The following MUC5AC variants were observed in gnomAD, a reference collection of about 807,000 sequenced individuals.
MUC5AC encodes the protein mucin-5AC.
A neutral mutation model predicts 169.7 loss-of-function variants in MUC5AC; 158 were observed. The ratio of observed to expected loss-of-function variants is 0.93; its 90% confidence interval spans 0.82 to 1.06. MUC5AC has a LOEUF of 1.06. MUC5AC is among the 50% of genes least tolerant of loss of function. The probability of loss-of-function intolerance (pLI) is 0.00; values close to 1 mark genes in which losing one functional copy is unlikely to be tolerated. For synonymous variants in MUC5AC, 1,975 were observed against 1,237.0 expected (o/e 1.60, Z -12.52); for missense variants, 4,359 against 3,089.9 (o/e 1.41, Z -9.74).
Position 1,165,316 on chromosome 11 carries a change from G to A in MUC5AC, c.1144G>A (p.Asp382Asn), listed in dbSNP as rs750536061. 30 of 1,611,926 alleles carry A rather than the reference G, an allele frequency of 1.9e-5. No individual in the cohort carries two copies. The highest frequency in any genetic ancestry group is 2.4e-5 in the Non-Finnish European group (28 of 1,179,610). ...GACCCCTGCAGGGACGGTGCTTGAC[G>A]ACATCGGCCAGACCGGCTGTGTCCC... Reference protein sequence around the residue: ...CFCPEGTVLDDIGQTGCVPVS... With the variant: ...CFCPEGTVLDNIGQTGCVPVS... Residue 382 changes from aspartate to asparagine, a missense_variant, in exon 10 of 49, where the codon GAC becomes AAC. Physicochemically the swap from Asp to Asn is conservative, Grantham distance 23. Transcript: ENST00000621226.
In MUC5AC at chr11:1,182,555, G is replaced by A. The variant is rs1192318104; in HGVS notation, c.4410G>A (p.Gln1470=). The A allele has an allele frequency of 7.5e-6, 3 of 398,584 alleles. No individual in the cohort carries two copies. Among genetic ancestry groups the A allele is most frequent in the Non-Finnish European group, 1.3e-5 (3 of 226,146 alleles). The allele number at this position is 398,584 out of a possible 1,614,324, so 24.7% of individuals were successfully genotyped here. A position where few individuals can be genotyped will look rare whatever the true frequency, so the allele number is the denominator to read the frequency against. ...EQASGLCYNY[Q]IRVQCCTPLP... is the part of the protein sequence containing the mutation. ...CATCGGGGCTCTGCTACAACTACCAGATCAGGGTCCAGTGCTGCACGCCCC... is the reference window on the plus strand; with the variant it reads ...CATCGGGGCTCTGCTACAACTACCAAATCAGGGTCCAGTGCTGCACGCCCC... The change falls in exon 31 of 49, where the codon CAG becomes CAA. Residue 1470 remains glutamine, a synonymous_variant. Transcript: ENST00000621226.
intron 1 of MUC5AC, among the ~76,000 whole-genome samples, chr11:1,160,309 T>C (rs1238307211): frequency 6.6e-6 from 1 of 151,892 alleles, no homozygotes; most frequent in Non-Finnish European, 1.5e-5. Context: ...CCTGGCACGC[T>C]TGGCAGTGAG....
In MUC5AC at chr11:1,193,582, A is replaced by G. The variant is rs1419633215; in HGVS notation, c.14678A>G (p.Lys4893Arg). 1 of 764,868 alleles carries G rather than the reference A, an allele frequency of 1.3e-6. No homozygotes were observed. The allele number at this position is 764,868 out of a possible 1,614,324, so 47.4% of individuals were successfully genotyped here. A position where few individuals can be genotyped will look rare whatever the true frequency, so the allele number is the denominator to read the frequency against. Residue 4893 changes from lysine to arginine, a missense_variant, in exon 33 of 49, where the codon AAG (lysine) becomes AGG (arginine). Coordinates refer to ENST00000621226, the MANE Select transcript of MUC5AC (RefSeq NM_001304359.2). Reference sequence around the variant, plus strand: ...CCGCGCACGTGCCCGAGGGTGGAGAAGCCCACTTGTGCCAACGGCTACCCG... The same window carrying G: ...CCGCGCACGTGCCCGAGGGTGGAGAGGCCCACTTGTGCCAACGGCTACCCG... ...LRPRTCPRVE[K>R]PTCANGYPAV...
chr11:1,187,522 C>T lies in MUC5AC; in HGVS notation c.9377C>T (p.Pro3126Leu). The change falls in exon 31 of 49, where the codon CCT becomes CTT. Residue 3126 changes from proline to leucine, a missense_variant. Pro to Leu is a moderately conservative substitution (Grantham distance 98). Transcript: ENST00000621226. ...TCTGGTCTTGGAACTACTCCCAGCC[C>T]TATTCCTACCACCAGCACAACCTCT... Reference protein sequence around the residue: ...KTSGLGTTPSPIPTTSTTSPP... With the variant: ...KTSGLGTTPSLIPTTSTTSPP... 2 of 746,722 alleles carry T rather than the reference C, an allele frequency of 2.7e-6. No homozygotes were observed. The highest frequency in any genetic ancestry group is 1.4e-5 in the South Asian group (1 of 72,026). The allele number at this position is 746,722 out of a possible 1,614,324, so 46.3% of individuals were successfully genotyped here.
Position 1,189,438 on chromosome 11 carries a change from A to G in MUC5AC, c.11293A>G (p.Thr3765Ala). 1 of 567,816 alleles carries G rather than the reference A, an allele frequency of 1.8e-6. No homozygotes were observed. The highest frequency in any genetic ancestry group is 2.5e-5 in the South Asian group (1 of 39,798). 35.2% of individuals were successfully genotyped at this position (567,816 alleles called of 1,614,324 possible). A position where few individuals can be genotyped will look rare whatever the true frequency, so the allele number is the denominator to read the frequency against. Residue 3765 changes from threonine (T) to alanine (A), a missense_variant, in exon 31 of 49, where the codon ACG (threonine) becomes GCG (alanine). Coordinates refer to ENST00000621226, the MANE Select transcript of MUC5AC (RefSeq NM_001304359.2). ...APTASTTSAPTSTSSAPTTNT... is the reference protein window; with the variant it reads ...APTASTTSAPASTSSAPTTNT... Reference sequence around the variant, plus strand: ...CACAGCCAGCACAACGTCAGCTCCTACGAGCACTTCCTCGGCTCCTACAAC... The same window carrying G: ...CACAGCCAGCACAACGTCAGCTCCTGCGAGCACTTCCTCGGCTCCTACAAC...
Position 1,190,244 on chromosome 11 carries a change from C to G in MUC5AC, c.12099C>G (p.Asp4033Glu). 2 of 733,936 alleles carry G rather than the reference C, an allele frequency of 2.7e-6. No individual in the cohort carries two copies. The highest frequency in any genetic ancestry group is 5.0e-6 in the Non-Finnish European group (2 of 402,310). The allele number at this position is 733,936 out of a possible 1,614,324, so 45.5% of individuals were successfully genotyped here. The change falls in exon 31 of 49, where the codon GAC (aspartate) becomes GAG (glutamate). Residue 4033 changes from aspartate to glutamate, a missense_variant. Coordinates refer to ENST00000621226, the MANE Select transcript of MUC5AC (RefSeq NM_001304359.2). ...REEGLVCRNQ[D>E]QQGPFKMCLN... ...AGGGCCTGGTGTGCCGGAACCAGGA[C>G]CAGCAGGGACCCTTCAAGATGTGCC...
At chr11:1,180,251 G>T in intron 27 of MUC5AC, 101 bp downstream of exon 27, 1 of 398,596 alleles carries the variant, frequency 2.5e-6, no homozygotes, top group Non-Finnish European at 4.4e-6. Flanking sequence ...AGCACATTCT[G>T]GTGCTGTCGG....
At chr11:1,193,262 G>A (rs887521726) in intron 32 of MUC5AC, among the ~76,000 whole-genome samples, 3 of 152,218 alleles carry the variant, frequency 2.0e-5, no homozygotes, top group Admixed American at 6.5e-5. Context: ...GCACAGCCAG[G>A]GAGTGTGGCA....
chr11:1,182,672 C>T lies in MUC5AC; in HGVS notation c.4527C>T (p.Pro1509=). ...TETRASGSSA[P]SSTPGTVSLS... is the part of the protein sequence containing the mutation. Reference sequence around the variant, plus strand: ...CCCGGGCCTCAGGCTCCTCAGCTCCCAGCAGCACACCTGGCACCGTGTCTC... The same window carrying T: ...CCCGGGCCTCAGGCTCCTCAGCTCCTAGCAGCACACCTGGCACCGTGTCTC... Residue 1509 remains proline, a synonymous_variant, in exon 31 of 49, where the codon CCC becomes CCT. Transcript: ENST00000621226. 5.0e-6 allele frequency: 2 copies of T among 399,086 alleles called. No individual in the cohort carries two copies. The highest frequency in any genetic ancestry group is 6.3e-4 in the Middle Eastern group (1 of 1,588). The allele number at this position is 399,086 out of a possible 1,614,324, so 24.7% of individuals were successfully genotyped here.
chr11:1,197,251 C>A (rs1026464326), intron 40 of MUC5AC, among the ~76,000 whole-genome samples: 20 of 152,264 alleles, frequency 1.3e-4, no homozygotes, highest in African/African-American at 4.3e-4. Flanking sequence ...AGGTGGGGGG[C>A]GCAGGCCAGT....
Position 1,181,158 on chromosome 11 carries a change from G to T in MUC5AC, c.3796G>T (p.Val1266Leu). The T allele has an allele frequency of 2.5e-6, 1 of 398,560 alleles. No individual in the cohort carries two copies. 24.7% of individuals were successfully genotyped at this position (398,560 alleles called of 1,614,324 possible). A position where few individuals can be genotyped will look rare whatever the true frequency, so the allele number is the denominator to read the frequency against. ...CTCCAGCCTTTGTACGGAGCGCGGC[G>T]TGGAGTGCACCTACAAAGCTGAGGG... is the stretch of plus-strand genomic sequence containing the variant. ...CQSCLCTERG[V>L]ECTYKAEACV... The change falls in exon 29 of 49, where the codon GTG becomes TTG. Residue 1266 changes from valine (V) to leucine (L), a missense_variant. By Grantham distance (32) the Val-to-Leu change is conservative. Coordinates refer to ENST00000621226, the MANE Select transcript of MUC5AC (RefSeq NM_001304359.2).
intron 15 of MUC5AC, among the ~76,000 whole-genome samples, chr11:1,171,011 T>C (rs1187058973): frequency 1.5e-3 from 80 of 52,930 alleles, no homozygotes; most frequent in East Asian, 4.2e-3. Context: ...CACTCACCCA[T>C]TCACCCATTC....
At position 1,186,106 on chromosome 11, in the gene MUC5AC, C is replaced by G; in HGVS notation, c.7961C>G (p.Ser2654Cys). 1 of 749,422 alleles carries G rather than the reference C, an allele frequency of 1.3e-6. No homozygotes were observed. 46.4% of individuals were successfully genotyped at this position (749,422 alleles called of 1,614,324 possible). A position where few individuals can be genotyped will look rare whatever the true frequency, so the allele number is the denominator to read the frequency against. The change falls in exon 31 of 49, where the codon TCT becomes TGT. Residue 2654 changes from serine to cysteine, a missense_variant. Physicochemically the swap from Ser to Cys is moderately radical, Grantham distance 112. Transcript: ENST00000621226. ...TTSASTTSTTSGPGTTPSPVP... is the reference protein window; with the variant it reads ...TTSASTTSTTCGPGTTPSPVP... ...TCTGCTTCTACAACTAGCACAACCT[C>G]TGGTCCTGGAACTACTCCCAGCCCT...
Position 1,188,126 on chromosome 11 carries a change from C to T in MUC5AC, c.9981C>T (p.Pro3327=), listed in dbSNP as rs1554928500. ...GCTGCGAGACCCCTAAAGGTTGCCC[C>T]GTGACCTCCACACCTGTGACAGCTC... is the stretch of plus-strand genomic sequence containing the variant. ...VLCCETPKGC[P]VTSTPVTAPS... is the part of the protein sequence containing the mutation. Residue 3327 remains proline, a synonymous_variant, in exon 31 of 49, where the codon CCC becomes CCT. Transcript: ENST00000621226. 15 of 729,284 alleles carry T rather than the reference C, an allele frequency of 2.1e-5. No individual in the cohort carries two copies. Among genetic ancestry groups the T allele is most frequent in the East Asian group, 9.8e-5 (4 of 41,020 alleles). 45.2% of individuals were successfully genotyped at this position (729,284 alleles called of 1,614,324 possible). A position where few individuals can be genotyped will look rare whatever the true frequency, so the allele number is the denominator to read the frequency against.
In MUC5AC at chr11:1,168,854, G is replaced by T; in HGVS notation, c.1706-8G>T. The T allele has an allele frequency of 6.3e-7, 1 of 1,585,228 alleles. No homozygotes were observed. ...GCATGGTCCTCAACCTGCCTAACCCGCCCCCAGGTCTCTGTGGGAACTTCA... is the reference window on the plus strand; with the variant it reads ...GCATGGTCCTCAACCTGCCTAACCCTCCCCCAGGTCTCTGTGGGAACTTCA... On this transcript the variant is annotated splice_polypyrimidine_tract_variant and splice_region_variant and intron_variant, in intron 14 of 48. Transcript: ENST00000621226.
rs750804295 is a variant in MUC5AC, at chr11:1,161,519, C to T, written c.152-8C>T. On this transcript the variant is annotated splice_region_variant and splice_polypyrimidine_tract_variant and intron_variant, in intron 2 of 48. Transcript: ENST00000621226. ...GTGCGTGAATCCTACCAGCCCCTGTCTCCGCAGGGGTCCCGCTCCGTGGGG... is the reference window on the plus strand; with the variant it reads ...GTGCGTGAATCCTACCAGCCCCTGTTTCCGCAGGGGTCCCGCTCCGTGGGG... 1.0e-5 allele frequency: 16 copies of T among 1,591,432 alleles called. No homozygotes were observed. In the South Asian group the frequency reaches 1.7e-4, roughly 17 times the overall value.
chr11:1,179,817 C>T (rs1228821426), intron 26 of MUC5AC, among the ~76,000 whole-genome samples: 5 of 152,156 alleles, frequency 3.3e-5, no homozygotes, highest in African/African-American at 1.2e-4. Flanking sequence ...GCTGGATCTG[C>T]TCTGACTGGA....
At position 1,174,615 on chromosome 11, in the gene MUC5AC, C is replaced by T. The variant is rs890988141; in HGVS notation, c.2085C>T (p.Gly695=). ...KGVQLGGWRD[G]VCTKPMTTCP... is the part of the protein sequence containing the mutation. ...TGCAGCTCGGCGGCTGGAGGGACGG[C>T]GTCTGCAGTGAGTGCCTGCCAAGCC... The change falls in exon 17 of 49, where the codon GGC becomes GGT. Residue 695 remains glycine, a synonymous_variant. Coordinates refer to ENST00000621226, the MANE Select transcript of MUC5AC (RefSeq NM_001304359.2). 21 of 1,243,408 alleles carry T rather than the reference C, an allele frequency of 1.7e-5. No individual in the cohort carries two copies. The African/African-American group carries it at 1.9e-4, about 11-fold the overall frequency. The allele number at this position is 1,243,408 out of a possible 1,614,324, so 77.0% of individuals were successfully genotyped here. A position where few individuals can be genotyped will look rare whatever the true frequency, so the allele number is the denominator to read the frequency against.
chr11:1,180,359 T>A lies in MUC5AC; in HGVS notation c.3619T>A (p.Tyr1207Asn), dbSNP rs1191599356. ...LRDVRGLEGC[Y>N]PKCPPEAPIF... The stretch of plus-strand genomic sequence containing the variant: ...CTGGCCTCTTTGGCCCACAGGCTGC[T>A]ACCCCAAGTGCCCACCAGAGGCTCC... The change falls in exon 28 of 49, where the codon TAC becomes AAC. Residue 1207 changes from tyrosine to asparagine, a missense_variant. Coordinates refer to ENST00000621226, the MANE Select transcript of MUC5AC (RefSeq NM_001304359.2). 2 of 398,640 alleles carry A rather than the reference T, an allele frequency of 5.0e-6. No homozygotes were observed. The highest frequency in any genetic ancestry group is 2.1e-5 in the African/African-American group (1 of 48,632). The allele number at this position is 398,640 out of a possible 1,614,324, so 24.7% of individuals were successfully genotyped here.
Sources: allele counts gnomAD v4.1 joint callset (sites outside exome capture counted in the v4.1 genomes callset), GRCh38; gene constraint gnomAD v4.1.1; transcripts MANE v1.5; gene names NCBI Gene and HGNC (gene_info 2026-07-23, HGNC 2026-07-21).